Variants in TSNARE1 observed in about 807,000 individuals in gnomAD.
The protein encoded by TSNARE1 is t-SNARE domain-containing protein 1.
Under a neutral mutation model 62.0 loss-of-function variants are expected in TSNARE1, and 49 were observed. The observed-to-expected ratio is 0.79, with a 90% CI of 0.63 to 1.00. TSNARE1 has a LOEUF of 1.00. TSNARE1 is among the 50% of genes least tolerant of loss of function. The pLI is 0.00. For synonymous variants in TSNARE1, 328 were observed against 294.4 expected, an observed-to-expected ratio of 1.11 and a Z score of -1.17; for missense variants, 755 against 700.1, an observed-to-expected ratio of 1.08 and a Z score of -0.88.
intron 11 of TSNARE1, chr8:142,276,492 C>T (rs1204209032): frequency 1.0e-6 from 1 of 985,342 alleles, no homozygotes; most frequent in East Asian, 1.1e-4. Flanking sequence ...ACAGCCTGGC[C>T]TCGCTTCTGT....
rs144256368 is a variant in TSNARE1 at position 142,262,324 on chromosome 8, CGTGT to C, written c.1446+12453_1446+12456del. Reference sequence around the variant, plus strand: ...AAAACCCACTCTTCCTATCCATGAACGTGTGTGTGTGTGTGTGTGTGTGTCCATT... The same window carrying C: ...AAAACCCACTCTTCCTATCCATGAACGTGTGTGTGTGTGTGTGTGTCCATT... On this transcript the variant is annotated intron_variant, in intron 12 of 13. Transcript: ENST00000524325. 2.2e-3 allele frequency among the ~76,000 whole-genome samples: 329 copies of C among 148,848 alleles called. 3 individuals carry two copies. Among genetic ancestry groups the C allele is most frequent in the African/African-American group, 6.6e-3 (267 of 40,724 alleles).
At chr8:142,339,065 C>T (rs571138944) in intron 4 of TSNARE1, among the ~76,000 whole-genome samples, 53 of 152,222 alleles carry the variant, frequency 3.5e-4, no homozygotes, top group Admixed American at 1.2e-3. Context: ...TGGTGATGGA[C>T]AGACGTGAGG....
intron 5 of TSNARE1, among the ~76,000 whole-genome samples, chr8:142,331,410 C>G (rs1478271245): frequency 6.6e-6 from 1 of 152,214 alleles, no homozygotes; most frequent in Non-Finnish European, 1.5e-5. Context: ...CCATCCAGAT[C>G]ACACAAAAGG....
Position 142,280,352 on chromosome 8 carries a change from G to A in TSNARE1, c.1363+4061C>T, listed in dbSNP as rs932944884. On this transcript the variant is annotated intron_variant, in intron 11 of 13. Coordinates refer to ENST00000524325, the MANE Select transcript of TSNARE1 (RefSeq NM_145003.5). ...GGAAAGGCACCAGAGGCTGAGCAGG[G>A]GGCAGAGACCCTGGGGAGAGCAGCC... The A allele has an allele frequency of 2.6e-5, 26 of 983,946 alleles. No individual in the cohort carries two copies. In the East Asian group the frequency reaches 1.8e-3, roughly 69 times the overall value. The allele number at this position is 983,946 out of a possible 1,614,324, so 61.0% of individuals were successfully genotyped here. A position where few individuals can be genotyped will look rare whatever the true frequency, so the allele number is the denominator to read the frequency against.
intron 9 of TSNARE1, among the ~76,000 whole-genome samples, chr8:142,301,942 T>C (rs574992489): frequency 6.6e-6 from 1 of 152,278 alleles, no homozygotes; most frequent in Non-Finnish European, 1.5e-5. Context: ...CAAGGTTCGG[T>C]GAGTGCAAGG....
chr8:142,286,933 C>T (rs376385850), intron 10 of TSNARE1, among the ~76,000 whole-genome samples: 6 of 152,250 alleles, frequency 3.9e-5, no homozygotes, highest in African/African-American at 1.4e-4. Flanking sequence ...CCTCATGCGG[C>T]ATGTGACTCA....
At chr8:142,217,498 C>T (rs146971939) in intron 13 of TSNARE1, among the ~76,000 whole-genome samples, 1,577 of 152,000 alleles carry the variant, frequency 0.01, 31 homozygotes, top group African/African-American at 0.036. Context: ...GAGGCGAGAG[C>T]CAGCAGGCAG....
chr8:142,226,968 CGGCAGTGACAGCAAGG>C (rs1816813152), intron 13 of TSNARE1, among the ~76,000 whole-genome samples: 1 of 130,888 alleles, frequency 7.6e-6, no homozygotes, highest in African/African-American at 4.0e-5. Context: ...TGCACCCACA[CGGCAGTGACAGCAAGG>C]CCCCCCACTG....
rs762669436 is a variant in TSNARE1 at position 142,344,391 on chromosome 8, G to A, written c.320C>T (p.Ala107Val). 5 of 1,578,172 alleles carry A rather than the reference G, an allele frequency of 3.2e-6. No homozygotes were observed. The highest frequency in any genetic ancestry group is 2.3e-5 in the East Asian group (1 of 43,464). The change falls in exon 4 of 14, where the codon GCT (alanine) becomes GTT (valine). Residue 107 changes from alanine (A) to valine (V), a missense_variant. Physicochemically the swap from Ala to Val is moderately conservative, Grantham distance 64. Transcript: ENST00000524325. ...CCCCGCCATCCGGCCATGGGGCCCA[G>A]CAGCCGAGTCCTTCCTCGGGCCAAT... ...PTIGPRKDSAAGPHGRMAGPS... is the reference protein window; with the variant it reads ...PTIGPRKDSAVGPHGRMAGPS...
chr8:142,403,076 G>A (rs189726581), intron 1 of TSNARE1, 28 bp downstream of exon 1: 3,526 of 148,672 alleles, frequency 0.024, 52 homozygotes, highest in East Asian at 0.047. Context: ...GCCCCGGCCA[G>A]GCCCCAGCCC....
intron 11 of TSNARE1, chr8:142,280,453 G>T: frequency 2.4e-6 from 1 of 415,288 alleles, no homozygotes; most frequent in Non-Finnish European, 3.2e-6. Flanking sequence ...ACCCAGCATA[G>T]GCAGCCTACA....
chr8:142,248,328 T>C (rs1817992424), intron 12 of TSNARE1, among the ~76,000 whole-genome samples: 1 of 152,228 alleles, frequency 6.6e-6, no homozygotes, highest in African/African-American at 2.4e-5. Flanking sequence ...AAGAGGGCTC[T>C]GAGAGCACCA....
intron 9 of TSNARE1, among the ~76,000 whole-genome samples, chr8:142,308,325 C>T (rs1827023823): frequency 6.6e-6 from 1 of 152,168 alleles, no homozygotes; most frequent in South Asian, 2.1e-4. Context: ...TCTGGATGTG[C>T]TACTGCCTTA....
Position 142,290,422 on chromosome 8 carries a change from G to A in TSNARE1, c.1291-5937C>T, listed in dbSNP as rs1009887541. Among the ~76,000 whole-genome samples the A allele has an allele frequency of 2.6e-4, 40 of 152,204 alleles. 1 individual carries two copies. Among genetic ancestry groups the A allele is most frequent in the African/African-American group, 7.2e-4 (30 of 41,446 alleles). On this transcript the variant is annotated intron_variant, in intron 10 of 13. Coordinates refer to ENST00000524325, the MANE Select transcript of TSNARE1 (RefSeq NM_145003.5). ...TCTAAAACTAGAACTCATTAAAAGC[G>A]CTCATGGAATTTTCTTTCTCTTCTT...
chr8:142,292,309 G>T (rs1286725429), intron 10 of TSNARE1, among the ~76,000 whole-genome samples: 2 of 152,212 alleles, frequency 1.3e-5, no homozygotes, highest in Non-Finnish European at 2.9e-5. Context: ...CTTCCCCCGT[G>T]GAAGCGAGGC....
At chr8:142,401,473 T>C (rs909490816) in intron 1 of TSNARE1, among the ~76,000 whole-genome samples, 1 of 152,162 alleles carries the variant, frequency 6.6e-6, no homozygotes, top group South Asian at 2.1e-4. Context: ...CAGGAGCTGC[T>C]GGCAGGAGCC....
intron 10 of TSNARE1, among the ~76,000 whole-genome samples, chr8:142,286,115 C>T (rs1404107219): frequency 6.6e-6 from 1 of 152,220 alleles, no homozygotes; most frequent in African/African-American, 2.4e-5. Flanking sequence ...TGGCCAGATG[C>T]ATGGCCCTGG....
chr8:142,353,225 C>A (rs1479642269), intron 2 of TSNARE1, among the ~76,000 whole-genome samples: 1 of 152,146 alleles, frequency 6.6e-6, no homozygotes. Context: ...CCTGCTGGGT[C>A]ATTTCCTTCC....
chr8:142,363,721 C>T (rs1373460158), intron 1 of TSNARE1, among the ~76,000 whole-genome samples: 1 of 152,196 alleles, frequency 6.6e-6, no homozygotes, highest in Non-Finnish European at 1.5e-5. Flanking sequence ...CTCTACTGCC[C>T]ACTGCCCACA....
Sources: gnomAD v4.1 joint callset for allele counts (sites outside exome capture counted in the v4.1 genomes callset) on GRCh38, gnomAD v4.1.1 for gene constraint, MANE v1.5 for transcripts, NCBI Gene and HGNC (gene_info 2026-07-23, HGNC 2026-07-21) for gene names.